The following ARHGAP15 variants were observed in gnomAD, a reference collection of about 807,000 sequenced individuals.
The protein encoded by ARHGAP15 is rho GTPase-activating protein 15.
Under a neutral mutation model 63.7 loss-of-function variants are expected in ARHGAP15, and 51 were observed. The observed-to-expected ratio is 0.80, with a 90% CI of 0.64 to 1.01. The LOEUF (loss-of-function observed/expected upper bound fraction) is 1.01, where lower values mean the gene tolerates loss of function less well. Ranked by LOEUF, ARHGAP15 falls within the 50% of genes least tolerant of loss-of-function variation. ARHGAP15 has a pLI of 0.00. For synonymous variants in ARHGAP15, 191 were observed against 193.8 expected (o/e 0.99, Z 0.12); for missense variants, 560 against 564.6 (o/e 0.99, Z 0.08).
intron 2 of ARHGAP15, among the ~76,000 whole-genome samples, chr2:143,179,053 G>A (rs1048582630): frequency 2.0e-5 from 3 of 152,166 alleles, no homozygotes; most frequent in Non-Finnish European, 4.4e-5. Context: ...ATTATCCAGG[G>A]TACCTGGCAA....
chr2:143,369,535 T>G (rs1367866723), intron 6 of ARHGAP15, among the ~76,000 whole-genome samples: 1 of 152,118 alleles, frequency 6.6e-6, no homozygotes, highest in Non-Finnish European at 1.5e-5. Context: ...GAAAAGGTAA[T>G]CCTGAGTAAT....
Position 143,256,715 on chromosome 2 carries a change from T to C in ARHGAP15, c.474+6115T>C, listed in dbSNP as rs143492779. Among the ~76,000 whole-genome samples the C allele has an allele frequency of 5.3e-3, 814 of 152,210 alleles. 5 individuals are homozygous for C. The highest frequency in any genetic ancestry group is 0.018 in the African/African-American group (765 of 41,540). ...ATTTGTATGATGTTTAGCTTCACTT[T>C]TGTTGATGCGGTCACACAGATTTTG... On this transcript the variant is annotated intron_variant, in intron 6 of 13. Transcript: ENST00000295095.
At chr2:143,252,915 G>A (rs1011919877) in intron 6 of ARHGAP15, among the ~76,000 whole-genome samples, 1 of 152,036 alleles carries the variant, frequency 6.6e-6, no homozygotes, top group Non-Finnish European at 1.5e-5. Flanking sequence ...ACATGATTAT[G>A]TCTTAAAAAC....
chr2:143,670,542 G>A (rs934715373), intron 12 of ARHGAP15, among the ~76,000 whole-genome samples: 2 of 152,172 alleles, frequency 1.3e-5, no homozygotes, highest in African/African-American at 4.8e-5. Context: ...GCCTGACAGA[G>A]TAAGGGACCC....
intron 12 of ARHGAP15, among the ~76,000 whole-genome samples, chr2:143,688,948 CCTCA>C (rs1478085516): frequency 1.3e-5 from 2 of 152,114 alleles, no homozygotes; most frequent in South Asian, 2.1e-4. Flanking sequence ...TTTCTTAGAA[CCTCA>C]CTGTCATTTT....
chr2:143,271,365 C>T (rs955102478), intron 6 of ARHGAP15, among the ~76,000 whole-genome samples: 4 of 152,332 alleles, frequency 2.6e-5, no homozygotes, highest in African/African-American at 4.8e-5. Context: ...TCTACCTTCC[C>T]CCTTAACCCA....
At position 143,743,883 on chromosome 2, in the gene ARHGAP15, GA is replaced by G. The variant is rs563889837; in HGVS notation, c.1245-24096del. Among the ~76,000 whole-genome samples the G allele has an allele frequency of 5.0e-5, 7 of 140,034 alleles. No homozygotes were observed. In the South Asian group the frequency reaches 6.8e-4, roughly 14 times the overall value. The allele number at this position is 140,034 out of a possible 152,430, so 91.9% of individuals were successfully genotyped here. A position where few individuals can be genotyped will look rare whatever the true frequency, so the allele number is the denominator to read the frequency against. On this transcript the variant is annotated intron_variant, in intron 13 of 13. Transcript: ENST00000295095. ...TGGATGTTCTCTCTGCCTTCCAGAAGAAAAAAAAAACATTATTAAGAATATA... is the reference window on the plus strand; with the variant it reads ...TGGATGTTCTCTCTGCCTTCCAGAAGAAAAAAAAACATTATTAAGAATATA...
chr2:143,206,930 G>T (rs762360414), intron 3 of ARHGAP15, among the ~76,000 whole-genome samples: 69 of 151,762 alleles, frequency 4.5e-4, no homozygotes, highest in Non-Finnish European at 7.1e-4. Context: ...GTTTGTGTGT[G>T]TGTCTGTATG....
intron 6 of ARHGAP15, among the ~76,000 whole-genome samples, chr2:143,415,506 GA>G (rs540365754): frequency 7.9e-5 from 12 of 151,896 alleles, no homozygotes; most frequent in South Asian, 2.1e-4. Context: ...TAAGCTTATA[GA>G]AAAAAAAGTT....
intron 2 of ARHGAP15, among the ~76,000 whole-genome samples, chr2:143,168,513 A>AT: frequency 6.6e-6 from 1 of 152,246 alleles, no homozygotes; most frequent in South Asian, 2.1e-4. Flanking sequence ...ATTATTATAA[A>AT]TTAAGAAACA....
At chr2:143,453,905 A>T (rs1690524871) in intron 8 of ARHGAP15, among the ~76,000 whole-genome samples, 1 of 152,072 alleles carries the variant, frequency 6.6e-6, no homozygotes. Flanking sequence ...GGGAGCAGAA[A>T]ACTCAGCTAA....
At chr2:143,374,676 T>A (rs1686724323) in intron 6 of ARHGAP15, among the ~76,000 whole-genome samples, 1 of 152,148 alleles carries the variant, frequency 6.6e-6, no homozygotes, top group South Asian at 2.1e-4. Flanking sequence ...CTAATTTTTG[T>A]ATTTTTTGTA....
chr2:143,718,233 T>C (rs1301956010), intron 13 of ARHGAP15, among the ~76,000 whole-genome samples: 2 of 152,220 alleles, frequency 1.3e-5, no homozygotes, highest in Admixed American at 6.5e-5. Context: ...TAATATTTTG[T>C]CTGTAGCTAG....
chr2:143,141,634 T>C (rs1558770686), intron 1 of ARHGAP15, among the ~76,000 whole-genome samples: 1 of 152,124 alleles, frequency 6.6e-6, no homozygotes, highest in Non-Finnish European at 1.5e-5. Flanking sequence ...ACTAAGATCA[T>C]GTTGAGAAAA....
intron 8 of ARHGAP15, among the ~76,000 whole-genome samples, chr2:143,462,505 T>C (rs765434849): frequency 1.3e-5 from 2 of 152,220 alleles, no homozygotes; most frequent in Non-Finnish European, 2.9e-5. Flanking sequence ...CAGAATCTCA[T>C]ACATCTATTC....
chr2:143,576,034 T>C (rs1436820996), intron 11 of ARHGAP15, among the ~76,000 whole-genome samples: 1 of 151,968 alleles, frequency 6.6e-6, no homozygotes, highest in Non-Finnish European at 1.5e-5. Context: ...CCGGAGGAGG[T>C]GGAACACAAA....
chr2:143,206,958 T>A (rs920029313), intron 3 of ARHGAP15, among the ~76,000 whole-genome samples: 2 of 151,808 alleles, frequency 1.3e-5, no homozygotes, highest in African/African-American at 2.4e-5. Context: ...ATAAAATATA[T>A]ATGCACATAT....
At chr2:143,701,705 G>A (rs746472381) in intron 12 of ARHGAP15, among the ~76,000 whole-genome samples, 2 of 152,180 alleles carry the variant, frequency 1.3e-5, no homozygotes, top group Non-Finnish European at 2.9e-5. Flanking sequence ...ACTCCAGGCT[G>A]CACAGTAGAG....
At chr2:143,469,840 T>C (rs1282266675) in intron 8 of ARHGAP15, among the ~76,000 whole-genome samples, 1 of 152,252 alleles carries the variant, frequency 6.6e-6, no homozygotes, top group East Asian at 1.9e-4. Flanking sequence ...TTTAAAGTTA[T>C]ATATGTGCCC....
Sources: allele counts gnomAD v4.1 joint callset (sites outside exome capture counted in the v4.1 genomes callset), GRCh38; gene constraint gnomAD v4.1.1; transcripts MANE v1.5; gene names NCBI Gene and HGNC (gene_info 2026-07-23, HGNC 2026-07-21).